CNTNAP2: variants seen among roughly 807,000 people sequenced by gnomAD.
CNTNAP2 encodes the protein contactin associated protein 2.
CNTNAP2 carries 98 observed loss-of-function variants against 155.2 expected under a neutral mutation model. That is an observed-to-expected ratio of 0.63 (90% CI 0.54 to 0.75). The LOEUF (loss-of-function observed/expected upper bound fraction) is 0.75. Ranked by LOEUF, CNTNAP2 falls within the 30% of genes least tolerant of loss-of-function variation. The pLI is 0.00. For synonymous variants in CNTNAP2, 651 were observed against 631.2 expected (o/e 1.03, Z -0.47); for missense variants, 1,727 against 1,688.1 (o/e 1.02, Z -0.40).
intron 8 of CNTNAP2, among the ~76,000 whole-genome samples, chr7:147,259,325 G>A (rs763048613): frequency 1.4e-4 from 22 of 152,002 alleles, no homozygotes; most frequent in Non-Finnish European, 2.9e-4. Flanking sequence ...CTCCAATTCT[G>A]CTATCAAAGC....
chr7:146,701,448 C>T (rs1800876668), intron 1 of CNTNAP2, among the ~76,000 whole-genome samples: 1 of 152,110 alleles, frequency 6.6e-6, no homozygotes, highest in African/African-American at 2.4e-5. Context: ...GAATAGCATC[C>T]TTTAAATCAT....
intron 1 of CNTNAP2, among the ~76,000 whole-genome samples, chr7:146,564,424 T>C (rs1798325955): frequency 6.6e-6 from 1 of 151,658 alleles, no homozygotes; most frequent in Admixed American, 6.6e-5. Context: ...ACCATTAAAC[T>C]AGATATTTTC....
At chr7:146,850,237 A>C (rs1223512111) in intron 3 of CNTNAP2, among the ~76,000 whole-genome samples, 1 of 152,216 alleles carries the variant, frequency 6.6e-6, no homozygotes, top group Non-Finnish European at 1.5e-5. Flanking sequence ...TTCTAGAAAA[A>C]ATTCTGTCCA....
intron 1 of CNTNAP2, among the ~76,000 whole-genome samples, chr7:146,420,636 A>G (rs1795998415): frequency 6.6e-6 from 1 of 152,060 alleles, no homozygotes; most frequent in Non-Finnish European, 1.5e-5. Flanking sequence ...CTTCTCTACA[A>G]CAGTCCTTGT....
At chr7:148,026,237 T>C (rs549755883) in intron 15 of CNTNAP2, among the ~76,000 whole-genome samples, 1 of 152,162 alleles carries the variant, frequency 6.6e-6, no homozygotes. Flanking sequence ...TTGCTTGAGC[T>C]CAGGTGTTCA....
intron 8 of CNTNAP2, among the ~76,000 whole-genome samples, chr7:147,281,119 T>C (rs889373584): frequency 6.6e-6 from 1 of 151,948 alleles, no homozygotes; most frequent in Non-Finnish European, 1.5e-5. Flanking sequence ...CTTATTAAAT[T>C]TTTGATGTTC....
At chr7:146,909,024 C>A (rs370951898) in intron 3 of CNTNAP2, among the ~76,000 whole-genome samples, 1 of 151,150 alleles carries the variant, frequency 6.6e-6, no homozygotes, top group East Asian at 1.9e-4. Flanking sequence ...ACTACAAACA[C>A]CTCTACGCAA....
intron 4 of CNTNAP2, among the ~76,000 whole-genome samples, chr7:147,084,874 T>G (rs1244150761): frequency 6.7e-6 from 1 of 149,746 alleles, no homozygotes; most frequent in Non-Finnish European, 1.5e-5. Context: ...TTTGTGTGTG[T>G]ATATATATGT....
intron 3 of CNTNAP2, among the ~76,000 whole-genome samples, chr7:147,025,167 T>C (rs945889117): frequency 6.8e-6 from 1 of 147,886 alleles, no homozygotes; most frequent in African/African-American, 2.5e-5. Flanking sequence ...GCCCCTGTAA[T>C]CTCAGCTACT....
intron 1 of CNTNAP2, among the ~76,000 whole-genome samples, chr7:146,720,974 TAG>T (rs1801281613): frequency 8.7e-6 from 1 of 115,208 alleles, no homozygotes; most frequent in South Asian, 2.3e-4. Context: ...AGTATATATA[TAG>T]ACTATATATA....
At chr7:147,806,119 C>T (rs1358436914) in intron 13 of CNTNAP2, among the ~76,000 whole-genome samples, 1 of 151,988 alleles carries the variant, frequency 6.6e-6, no homozygotes, top group Non-Finnish European at 1.5e-5. Flanking sequence ...GGATTAGTAA[C>T]CAGAACATAT....
At chr7:147,437,563 C>T (rs1584948001) in intron 10 of CNTNAP2, among the ~76,000 whole-genome samples, 2 of 152,020 alleles carry the variant, frequency 1.3e-5, no homozygotes, top group East Asian at 3.9e-4. Flanking sequence ...ATCTGTTTGT[C>T]CACTTGAATG....
intron 1 of CNTNAP2, among the ~76,000 whole-genome samples, chr7:146,553,112 C>T (rs1030768632): frequency 6.6e-6 from 1 of 152,076 alleles, no homozygotes; most frequent in South Asian, 2.1e-4. Context: ...CTCTTCTGTT[C>T]ACTGTTATAT....
At chr7:146,160,879 G>T (rs1316492833) in intron 1 of CNTNAP2, among the ~76,000 whole-genome samples, 1 of 152,076 alleles carries the variant, frequency 6.6e-6, no homozygotes, top group Non-Finnish European at 1.5e-5. Context: ...TGATACCAAA[G>T]CCTGGCACAG....
At chr7:147,382,471 A>G (rs1796552592) in intron 9 of CNTNAP2, among the ~76,000 whole-genome samples, 3 of 152,204 alleles carry the variant, frequency 2.0e-5, no homozygotes. Flanking sequence ...ACTTATTGAT[A>G]AACTGAAGCT....
chr7:147,534,460 C>CAGT (rs1343147680), intron 11 of CNTNAP2, among the ~76,000 whole-genome samples: 2 of 152,032 alleles, frequency 1.3e-5, no homozygotes, highest in Non-Finnish European at 2.9e-5. Flanking sequence ...AAGAATAAGC[C>CAGT]AGTAGTACCC....
chr7:146,845,536 C>A (rs1490641830), intron 3 of CNTNAP2, among the ~76,000 whole-genome samples: 1 of 152,156 alleles, frequency 6.6e-6, no homozygotes, highest in Non-Finnish European at 1.5e-5. Flanking sequence ...ATTTTAGAAG[C>A]ATTCTCCAAA....
chr7:146,944,746 A>C (rs889047145), intron 3 of CNTNAP2, among the ~76,000 whole-genome samples: 8 of 151,908 alleles, frequency 5.3e-5, no homozygotes, highest in Admixed American at 2.6e-4. Context: ...GACGTGGTGG[A>C]GGGCGCCTGT....
At chr7:147,952,693 T>C (rs1800956587) in intron 14 of CNTNAP2, among the ~76,000 whole-genome samples, 2 of 152,132 alleles carry the variant, frequency 1.3e-5, no homozygotes, top group South Asian at 2.1e-4. Context: ...AGTATAAATA[T>C]GCACATACAC....
Sources: allele counts gnomAD v4.1 joint callset (sites outside exome capture counted in the v4.1 genomes callset), GRCh38; gene constraint gnomAD v4.1.1; transcripts MANE v1.5; gene names NCBI Gene and HGNC (gene_info 2026-07-23, HGNC 2026-07-21).